UHMK1: variants seen among roughly 807,000 people sequenced by gnomAD.
The protein encoded by UHMK1 is serine/threonine-protein kinase Kist.
In UHMK1, 18 loss-of-function variants were observed where a neutral mutation model predicts 44.0. That is an observed-to-expected ratio of 0.41 (90% CI 0.28 to 0.61). The LOEUF (loss-of-function observed/expected upper bound fraction) is 0.61. Among genes scored for constraint, UHMK1 ranks in the 20% least tolerant of loss-of-function variants. The pLI, the probability that UHMK1 is intolerant of heterozygous loss-of-function variation, is 0.31. For synonymous variants in UHMK1, 231 were observed against 198.5 expected, an observed-to-expected ratio of 1.16 and a Z score of -1.38; for missense variants, 463 against 522.5, an observed-to-expected ratio of 0.89 and a Z score of 1.11.
intron 2 of UHMK1, 26 bp downstream of exon 2, chr1:162,500,273 T>A (rs778261563): frequency 1.9e-6 from 3 of 1,593,604 alleles, no homozygotes; most frequent in South Asian, 2.3e-5. Context: ...TTCTTTTCTC[T>A]CGCAGTTTAA....
chr1:162,521,304 T>C (rs956509566), intron 7 of UHMK1, among the ~76,000 whole-genome samples: 2 of 152,168 alleles, frequency 1.3e-5, no homozygotes, highest in Non-Finnish European at 2.9e-5. Flanking sequence ...TAGAAAAGTA[T>C]AGCCTATCTG....
chr1:162,517,025 G>A (rs1467965893), intron 6 of UHMK1, among the ~76,000 whole-genome samples: 4 of 152,222 alleles, frequency 2.6e-5, no homozygotes, highest in Non-Finnish European at 4.4e-5. Flanking sequence ...GAGGCTGGGC[G>A]CAGTGGCTCA....
intron 1 of UHMK1, among the ~76,000 whole-genome samples, chr1:162,499,319 A>G (rs1651183905): frequency 6.6e-6 from 1 of 152,016 alleles, no homozygotes; most frequent in African/African-American, 2.4e-5. Flanking sequence ...GACTACAGGC[A>G]CGTAGCACCA....
At chr1:162,517,172 G>T (rs909560261) in intron 6 of UHMK1, among the ~76,000 whole-genome samples, 4 of 152,164 alleles carry the variant, frequency 2.6e-5, no homozygotes, top group Admixed American at 6.5e-5. Context: ...GGTGGCACAT[G>T]CCTATAATCC....
At chr1:162,520,402 G>A (rs1197483251) in intron 7 of UHMK1, among the ~76,000 whole-genome samples, 1 of 152,122 alleles carries the variant, frequency 6.6e-6, no homozygotes, top group African/African-American at 2.4e-5. Flanking sequence ...TATTTATTGA[G>A]CATTTATTAT....
chr1:162,517,873 TA>T (rs201716522), intron 6 of UHMK1, among the ~76,000 whole-genome samples: 56 of 143,524 alleles, frequency 3.9e-4, no homozygotes, highest in Admixed American at 4.2e-4. Context: ...AGACTCTGTC[TA>T]AAAAAAAAAA....
chr1:162,516,692 A>C (rs1651848708), intron 6 of UHMK1, among the ~76,000 whole-genome samples: 1 of 152,236 alleles, frequency 6.6e-6, no homozygotes, highest in South Asian at 2.1e-4. Context: ...AGTTTAAAGA[A>C]AAAATATTTA....
chr1:162,521,971 A>G (rs1019177545), intron 7 of UHMK1, among the ~76,000 whole-genome samples: 8 of 152,138 alleles, frequency 5.3e-5, no homozygotes, highest in African/African-American at 1.9e-4. Flanking sequence ...GCTTTTGACC[A>G]ATATTTTTTC....
intron 2 of UHMK1, 138 bp downstream of exon 2, chr1:162,500,385 T>A: frequency 9.5e-7 from 1 of 1,056,386 alleles, no homozygotes; most frequent in Non-Finnish European, 1.3e-6. Flanking sequence ...GGGGATGCAG[T>A]AAATCAAAAG....
At chr1:162,508,562 C>T (rs1201076831) in intron 4 of UHMK1, among the ~76,000 whole-genome samples, 2 of 151,710 alleles carry the variant, frequency 1.3e-5, no homozygotes, top group African/African-American at 2.4e-5. Context: ...TTTAGCTGGG[C>T]CTAGCAGCAT....
At chr1:162,521,267 CCTTT>C (rs1033291524) in intron 7 of UHMK1, among the ~76,000 whole-genome samples, 1 of 151,978 alleles carries the variant, frequency 6.6e-6, no homozygotes, top group African/African-American at 2.4e-5. Context: ...AAATAAGATG[CCTTT>C]CTTAGTGTGG....
intron 3 of UHMK1, among the ~76,000 whole-genome samples, chr1:162,502,997 G>A (rs1346539173): frequency 6.6e-6 from 1 of 152,166 alleles, no homozygotes; most frequent in Non-Finnish European, 1.5e-5. Context: ...AGTTAGCATA[G>A]TATTCAAGGA....
intron 4 of UHMK1, among the ~76,000 whole-genome samples, chr1:162,505,598 G>T (rs1651440870): frequency 6.6e-6 from 1 of 152,290 alleles, no homozygotes; most frequent in Admixed American, 6.5e-5. Context: ...TAGGCGATAG[G>T]AATTTTTCAG....
chr1:162,502,203 T>G (rs4657199), intron 3 of UHMK1, among the ~76,000 whole-genome samples: 65,175 of 151,916 alleles, frequency 0.43, 14,161 homozygotes, highest in Non-Finnish European at 0.46. Flanking sequence ...AAAAGTTCAT[T>G]CAAATATTAG....
rs935488863 is a variant in UHMK1 at position 162,525,851 on chromosome 1, A to G, written c.*3301A>G. 1.3e-5 allele frequency: 2 copies of G among 152,176 alleles called. No individual in the cohort carries two copies. The highest frequency in any genetic ancestry group is 4.8e-5 in the African/African-American group (2 of 41,436). 9.4% of individuals were successfully genotyped at this position (152,176 alleles called of 1,614,324 possible). On this transcript the variant is annotated 3_prime_UTR_variant, in exon 8 of 8. Transcript: ENST00000489294. The stretch of plus-strand genomic sequence containing the variant: ...TCTCTTTGTTTTTATTGAGAGAAAT[A>G]TTGCCTTCTTTTTGGTACTCCAGCT...
chr1:162,497,730 G>A, upstream of UHMK1: 1 of 1,144,126 alleles, frequency 8.7e-7, no homozygotes, highest in Non-Finnish European at 1.1e-6. Flanking sequence ...TCCAAACCTA[G>A]CGCGTCTAAT....
chr1:162,514,714 G>T (rs1168835341), intron 6 of UHMK1, among the ~76,000 whole-genome samples: 1 of 152,160 alleles, frequency 6.6e-6, no homozygotes, highest in African/African-American at 2.4e-5. Flanking sequence ...TTTGCATGAG[G>T]CATCTGAATT....
At position 162,500,626 on chromosome 1, in the gene UHMK1, C is replaced by T. The variant is rs549604959; in HGVS notation, c.562-287C>T. ...ATAGTTCTGCCAAATCCTCTTTTCTCCATGGTTTATCATTTCTTTGCAGTG... is the reference window on the plus strand; with the variant it reads ...ATAGTTCTGCCAAATCCTCTTTTCTTCATGGTTTATCATTTCTTTGCAGTG... On this transcript the variant is annotated intron_variant, in intron 2 of 7. Coordinates refer to ENST00000489294, the MANE Select transcript of UHMK1 (RefSeq NM_175866.5). 22 of 422,818 alleles carry T rather than the reference C, an allele frequency of 5.2e-5. No homozygotes were observed. The East Asian group carries it at 8.8e-4, about 17-fold the overall frequency. 26.2% of individuals were successfully genotyped at this position (422,818 alleles called of 1,614,324 possible).
At chr1:162,505,669 T>G (rs1394591245) in intron 4 of UHMK1, among the ~76,000 whole-genome samples, 1 of 152,192 alleles carries the variant, frequency 6.6e-6, no homozygotes, top group East Asian at 1.9e-4. Context: ...CAAAACGTCA[T>G]TGTGCAGTAT....
Sources: gnomAD v4.1 joint callset for allele counts (sites outside exome capture counted in the v4.1 genomes callset) on GRCh38, gnomAD v4.1.1 for gene constraint, MANE v1.5 for transcripts, NCBI Gene and HGNC (gene_info 2026-07-23, HGNC 2026-07-21) for gene names.